Variants in SOCS6 observed in about 807,000 individuals in gnomAD.
The protein encoded by SOCS6 is suppressor of cytokine signaling 6.
In SOCS6, 5 loss-of-function variants were observed where a neutral mutation model predicts 27.7. That is an observed-to-expected ratio of 0.18 (90% CI 0.09 to 0.38). The LOEUF is 0.38. SOCS6 is among the 10% of genes least tolerant of loss of function. SOCS6 has a pLI of 1.00. For synonymous variants in SOCS6, 271 were observed against 260.0 expected, an observed-to-expected ratio of 1.04 and a Z score of -0.41; for missense variants, 595 against 688.1, an observed-to-expected ratio of 0.86 and a Z score of 1.51.
chr18:70,294,150 T>C (rs2062313115), intron 1 of SOCS6, among the ~76,000 whole-genome samples: 1 of 152,008 alleles, frequency 6.6e-6, no homozygotes, highest in Admixed American at 6.6e-5. Flanking sequence ...ATTAAGTGCC[T>C]GAAATATAAC....
In SOCS6 at chr18:70,324,786, G is replaced by A. The variant is rs757424437; in HGVS notation, c.118G>A (p.Asp40Asn). Residue 40 changes from aspartate (D) to asparagine (N), a missense_variant, in exon 2 of 2, where the codon GAT becomes AAT. This residue lies in a region of SOCS6 where 467 missense variants were observed against 481.1 expected (regional missense o/e 0.97). Transcript: ENST00000397942. ...GCTAGCCAGTGACTTTGGAAAAGAT[G>A]ATTCCTTATTTGGTAGCTGCTATGG... ...PSLASDFGKDDSLFGSCYGKD... is the reference protein window; with the variant it reads ...PSLASDFGKDNSLFGSCYGKD... The A allele has an allele frequency of 1.9e-6, 3 of 1,614,210 alleles. No homozygotes were observed. In the African/African-American group the frequency reaches 4.0e-5, roughly 22 times the overall value.
In SOCS6 at chr18:70,325,214, C is replaced by A; in HGVS notation, c.546C>A (p.Thr182=). The A allele has an allele frequency of 6.2e-7, 1 of 1,614,122 alleles. No homozygotes were observed. The highest frequency in any genetic ancestry group is 8.5e-7 in the Non-Finnish European group (1 of 1,179,980). Residue 182 remains threonine, a synonymous_variant, in exon 2 of 2, where the codon ACC becomes ACA. Transcript: ENST00000397942. The surrounding 1 kb of genome is among the most constrained non-coding windows in gnomAD (Gnocchi z 6.3). The part of the protein sequence containing the change: ...RKDFHDLQSE[T]TCQEQANSLK... Reference sequence around the variant, plus strand: ...ATTTCCACGACCTCCAGTCTGAGACCACGTGCCAGGAGCAAGCCAATTCAC... The same window carrying A: ...ATTTCCACGACCTCCAGTCTGAGACAACGTGCCAGGAGCAAGCCAATTCAC...
In SOCS6 at chr18:70,327,571, C is replaced by T. The variant is rs914007294; in HGVS notation, c.*1295C>T. The T allele has an allele frequency of 1.2e-5, 2 of 166,684 alleles. No individual in the cohort carries two copies. The highest frequency in any genetic ancestry group is 4.8e-5 in the African/African-American group (2 of 41,366). The allele number at this position is 166,684 out of a possible 1,614,324, so 10.3% of individuals were successfully genotyped here. ...TTTAGCTAAGTCTTAAGTAATTTGCCGTTGCTAATAATTTTATCTCCTTGA... is the reference window on the plus strand; with the variant it reads ...TTTAGCTAAGTCTTAAGTAATTTGCTGTTGCTAATAATTTTATCTCCTTGA... On this transcript the variant is annotated 3_prime_UTR_variant, in exon 2 of 2. Transcript: ENST00000397942.
intron 1 of SOCS6, among the ~76,000 whole-genome samples, chr18:70,312,593 A>T (rs1269567780): frequency 6.6e-6 from 1 of 152,172 alleles, no homozygotes; most frequent in African/African-American, 2.4e-5. Context: ...TGAAGAGGTT[A>T]TCTTGTTTTG....
At chr18:70,306,493 AAAAAAAG>A (rs1360534724) in intron 1 of SOCS6, among the ~76,000 whole-genome samples, 55 of 151,766 alleles carry the variant, frequency 3.6e-4, no homozygotes, top group Non-Finnish European at 5.9e-4. Context: ...AAAAAAAAAA[AAAAAAAG>A]AAAGAAAGCC....
At chr18:70,295,401 G>A (rs1031728628) in intron 1 of SOCS6, among the ~76,000 whole-genome samples, 25 of 152,120 alleles carry the variant, frequency 1.6e-4, no homozygotes, top group Admixed American at 9.8e-4. Flanking sequence ...GAAGCAGCTG[G>A]GTTAGCATGC....
At chr18:70,294,628 A>G (rs9957778) in intron 1 of SOCS6, among the ~76,000 whole-genome samples, 132,491 of 152,246 alleles carry the variant, frequency 0.87, 58,095 homozygotes, top group East Asian at 1. Flanking sequence ...TGAGACCAAA[A>G]GAGCAAGAGA....
chr18:70,312,391 A>G (rs1033297753), intron 1 of SOCS6, among the ~76,000 whole-genome samples: 5 of 152,272 alleles, frequency 3.3e-5, no homozygotes, highest in Non-Finnish European at 7.4e-5. Context: ...GCATGAGTAT[A>G]TATCCAAAGA....
rs765150837 is a variant in SOCS6, at chr18:70,321,486, A to ATT, written c.-126-3039_-126-3038dup. 4.8e-3 allele frequency among the ~76,000 whole-genome samples: 544 copies of ATT among 112,616 alleles called. 7 individuals carry two copies. Among genetic ancestry groups the ATT allele is most frequent in the African/African-American group, 0.018 (504 of 28,102 alleles). 73.9% of individuals were successfully genotyped at this position (112,616 alleles called of 152,430 possible). A position where few individuals can be genotyped will look rare whatever the true frequency, so the allele number is the denominator to read the frequency against. ...CAGGCACACGCCACCATGCCTGGCT[A>ATT]TTTTTTTTTTTTTTTTTTTGTATTT... On this transcript the variant is annotated intron_variant, in intron 1 of 1. Coordinates refer to ENST00000397942, the MANE Select transcript of SOCS6 (RefSeq NM_004232.4).
chr18:70,312,716 AAAC>A (rs2062395392), intron 1 of SOCS6, among the ~76,000 whole-genome samples: 1 of 151,954 alleles, frequency 6.6e-6, no homozygotes, highest in South Asian at 2.1e-4. Flanking sequence ...TCAGTTACGT[AAAC>A]ACCACCACAA....
chr18:70,313,569 G>T (rs1466455684), intron 1 of SOCS6, among the ~76,000 whole-genome samples: 1 of 152,128 alleles, frequency 6.6e-6, no homozygotes, highest in African/African-American at 2.4e-5. Flanking sequence ...TTAAGTAAGA[G>T]CCCTGCTGGA....
intron 1 of SOCS6, among the ~76,000 whole-genome samples, chr18:70,293,236 T>C (rs891677144): frequency 3.3e-5 from 5 of 152,204 alleles, no homozygotes; most frequent in Non-Finnish European, 7.3e-5. Context: ...TAGAAAGTTG[T>C]TGGTATTTCA....
chr18:70,298,280 A>G (rs2146264114), intron 1 of SOCS6, among the ~76,000 whole-genome samples: 1 of 152,318 alleles, frequency 6.6e-6, no homozygotes, highest in East Asian at 1.9e-4. Flanking sequence ...GGTAGTTTAT[A>G]ATTCATGAGG....
intron 1 of SOCS6, among the ~76,000 whole-genome samples, chr18:70,301,944 G>C (rs1289406105): frequency 6.6e-6 from 1 of 152,222 alleles, no homozygotes; most frequent in Admixed American, 6.5e-5. Context: ...GATTGGTAGA[G>C]AAGGCTTTGG....
rs1016378453 is a variant in SOCS6 at position 70,330,025 on chromosome 18, A to G, written c.*3749A>G. 6.0e-6 allele frequency: 1 copy of G among 167,118 alleles called. No homozygotes were observed. Among genetic ancestry groups the G allele is most frequent in the African/African-American group, 2.4e-5 (1 of 41,472 alleles). The allele number at this position is 167,118 out of a possible 1,614,324, so 10.4% of individuals were successfully genotyped here. ...GTATGTTTCAAATCAGGTGTGTACC[A>G]TTTGTACTGAGAACACCACAGAATG... is the stretch of plus-strand genomic sequence containing the variant. On this transcript the variant is annotated 3_prime_UTR_variant, in exon 2 of 2. Transcript: ENST00000397942.
intron 1 of SOCS6, among the ~76,000 whole-genome samples, chr18:70,299,854 T>C (rs899799112): frequency 3.0e-4 from 46 of 152,266 alleles, no homozygotes; most frequent in Admixed American, 1.4e-3. Flanking sequence ...TATATAACAC[T>C]TGTGTTAGGT....
chr18:70,295,805 A>T (rs1266243702), intron 1 of SOCS6, among the ~76,000 whole-genome samples: 1 of 152,222 alleles, frequency 6.6e-6, no homozygotes, highest in African/African-American at 2.4e-5. Flanking sequence ...ATTGGGTCTA[A>T]GCAGGGTGTC....
Position 70,330,134 on chromosome 18 carries a change from A to T in SOCS6, c.*3858A>T, listed in dbSNP as rs959991957. ...ATTTCTTGCACATTTTTGGAAATTA[A>T]TTGTATAAGAATTTATGTATCTGCT... On this transcript the variant is annotated 3_prime_UTR_variant, in exon 2 of 2. Coordinates refer to ENST00000397942, the MANE Select transcript of SOCS6 (RefSeq NM_004232.4). 6.0e-6 allele frequency: 1 copy of T among 167,080 alleles called. No individual in the cohort carries two copies. Among genetic ancestry groups the T allele is most frequent in the Non-Finnish European group, 1.5e-5 (1 of 68,112 alleles). 10.3% of individuals were successfully genotyped at this position (167,080 alleles called of 1,614,324 possible). A position where few individuals can be genotyped will look rare whatever the true frequency, so the allele number is the denominator to read the frequency against.
intron 1 of SOCS6, among the ~76,000 whole-genome samples, chr18:70,312,222 CTT>C (rs2062393407): frequency 6.6e-6 from 1 of 152,184 alleles, no homozygotes; most frequent in African/African-American, 2.4e-5. Context: ...CAGTACCAAA[CTT>C]AACAGGGTTA....
Sources: gnomAD v4.1 joint callset for allele counts (sites outside exome capture counted in the v4.1 genomes callset) on GRCh38, gnomAD v4.1.1 for gene constraint, gnomAD v4.1.1 regional missense constraint, Gnocchi (gnomAD v3.1) non-coding constraint, MANE v1.5 for transcripts, NCBI Gene and HGNC (gene_info 2026-07-23, HGNC 2026-07-21) for gene names.